SERPIND1: variants seen among roughly 807,000 people sequenced by gnomAD.
SERPIND1 encodes the protein serpin family D member 1, also known as heparin cofactor 2.
SERPIND1 carries 34 observed loss-of-function variants against 35.0 expected under a neutral mutation model. The observed-to-expected ratio is 0.97, with a 90% CI of 0.74 to 1.29. SERPIND1 has a LOEUF of 1.29. Among genes scored for constraint, SERPIND1 ranks in the 50% most tolerant of loss-of-function variants. The pLI is 0.00. For missense variants in SERPIND1, 633 were observed against 637.7 expected (o/e 0.99, Z 0.08); for synonymous variants, 236 against 241.1 (o/e 0.98, Z 0.19).
At chr22:20,783,435 TAA>T (rs362069) in intron 2 of SERPIND1, among the ~76,000 whole-genome samples, 53,363 of 135,948 alleles carry the variant, frequency 0.39, 10,074 homozygotes, top group Admixed American at 0.46. Flanking sequence ...CATCTACAAT[TAA>T]AAAAAAAAAA....
rs1243729537 is a variant in SERPIND1 at position 20,787,102 on chromosome 22, C to T, written c.*36C>T. 2.5e-6 allele frequency: 4 copies of T among 1,572,208 alleles called. No homozygotes were observed. Among genetic ancestry groups the T allele is most frequent in the Non-Finnish European group, 3.5e-6 (4 of 1,142,716 alleles). On this transcript the variant is annotated 3_prime_UTR_variant, in exon 5 of 5. Coordinates refer to ENST00000215727, the MANE Select transcript of SERPIND1 (RefSeq NM_000185.4). ...CTAGGTGTCTGAAGTGCCTTGGGGG[C>T]ACCCTCATTTTGTTTCCATTCCAAC... is the stretch of plus-strand genomic sequence containing the variant.
intron 4 of SERPIND1, among the ~76,000 whole-genome samples, chr22:20,786,639 C>T (rs192425737): frequency 3.9e-5 from 6 of 152,144 alleles, no homozygotes; most frequent in South Asian, 2.1e-4. Flanking sequence ...CCAGCCCCCA[C>T]GACCCTCAGA....
At chr22:20,783,292 T>C (rs571973021) in intron 2 of SERPIND1, among the ~76,000 whole-genome samples, 1 of 152,062 alleles carries the variant, frequency 6.6e-6, no homozygotes, top group South Asian at 2.1e-4. Context: ...GTGTGAGGGA[T>C]GAAGGCCATC....
Position 20,787,196 on chromosome 22 carries a change from T to C in SERPIND1, c.*130T>C. On this transcript the variant is annotated 3_prime_UTR_variant, in exon 5 of 5. Coordinates refer to ENST00000215727, the MANE Select transcript of SERPIND1 (RefSeq NM_000185.4). ...TACCAATCTGAATTCGAGGCCCATA[T>C]GAGAGGAGCTTAGAAACGACCAAGA... The C allele has an allele frequency of 4.8e-6, 4 of 832,456 alleles. No homozygotes were observed. The highest frequency in any genetic ancestry group is 2.6e-5 in the East Asian group (1 of 38,208). The allele number at this position is 832,456 out of a possible 1,614,324, so 51.6% of individuals were successfully genotyped here.
chr22:20,785,067 CTTTT>C (rs1555894632), intron 3 of SERPIND1, among the ~76,000 whole-genome samples: 4 of 134,434 alleles, frequency 3.0e-5, no homozygotes, highest in Admixed American at 7.6e-5. Context: ...GGGACTGCAT[CTTTT>C]TTTTTTTTTT....
chr22:20,776,786 C>T (rs974730604), intron 1 of SERPIND1, among the ~76,000 whole-genome samples: 2 of 152,168 alleles, frequency 1.3e-5, no homozygotes, highest in Admixed American at 6.5e-5. Flanking sequence ...CTAAGTTACA[C>T]GAAGTGCCTT....
chr22:20,780,201 G>C lies in SERPIND1; in HGVS notation c.889G>C (p.Gly297Arg). The C allele has an allele frequency of 6.2e-7, 1 of 1,614,140 alleles. No individual in the cohort carries two copies. Among genetic ancestry groups the C allele is most frequent in the East Asian group, 2.2e-5 (1 of 44,878 alleles). The change falls in exon 2 of 5, where the codon GGA (glycine) becomes CGA (arginine). Residue 297 changes from glycine to arginine, a missense_variant and splice_region_variant. By Grantham distance (125) the Gly-to-Arg change is moderately radical. Coordinates refer to ENST00000215727, the MANE Select transcript of SERPIND1 (RefSeq NM_000185.4). ...MMILNCIYFK[G>R]SWVNKFPVEM... is the part of the protein sequence containing the mutation. ...GATTCTCAACTGCATCTACTTCAAA[G>C]GTAAGAGGCACCTTTACAGTTCTCA...
intron 1 of SERPIND1, among the ~76,000 whole-genome samples, chr22:20,776,349 G>A (rs1196732892): frequency 1.3e-5 from 2 of 152,030 alleles, no homozygotes; most frequent in Admixed American, 1.3e-4. Context: ...AAAAGAAATC[G>A]TTTCTAGAAA....
At chr22:20,786,765 C>A (rs765480597) in intron 4 of SERPIND1, 110 bp from the exon 5 acceptor site, 5 of 1,112,090 alleles carry the variant, frequency 4.5e-6, no homozygotes, top group Non-Finnish European at 5.5e-6. Context: ...GTGATTTCCA[C>A]CTTACATGTT....
In SERPIND1 at chr22:20,780,013, T is replaced by C. The variant is rs761641227; in HGVS notation, c.701T>C (p.Leu234Pro). Reference protein sequence around the residue: ...LYIQKQFPILLDFKTKVREYY... With the variant: ...LYIQKQFPILPDFKTKVREYY... ...ATCCAGAAGCAGTTTCCAATCCTGC[T>C]TGACTTCAAAACTAAAGTAAGAGAG... The change falls in exon 2 of 5, where the codon CTT (leucine) becomes CCT (proline). Residue 234 changes from leucine to proline, a missense_variant. By Grantham distance (98) the Leu-to-Pro change is moderately conservative. Transcript: ENST00000215727. 1 of 1,614,216 alleles carries C rather than the reference T, an allele frequency of 6.2e-7. No homozygotes were observed. The highest frequency in any genetic ancestry group is 1.1e-5 in the South Asian group (1 of 91,088).
chr22:20,783,910 A>G, intron 2 of SERPIND1, 62 bp from the exon 3 acceptor site: 1 of 1,606,272 alleles, frequency 6.2e-7, no homozygotes, highest in Non-Finnish European at 8.5e-7. Flanking sequence ...TTCACTCTCA[A>G]GGGTGAGACG....
At chr22:20,783,391 G>T (rs1005104354) in intron 2 of SERPIND1, among the ~76,000 whole-genome samples, 1 of 151,254 alleles carries the variant, frequency 6.6e-6, no homozygotes, top group African/African-American at 2.4e-5. Context: ...GAGGCCAAGG[G>T]TTTGAGACCA....
intron 2 of SERPIND1, 61 bp downstream of exon 2, chr22:20,780,262 T>G: frequency 6.2e-7 from 1 of 1,606,868 alleles, no homozygotes. Flanking sequence ...TGTATGTGGG[T>G]AGATTGAATG....
At chr22:20,780,381 T>C (rs984244486) in intron 2 of SERPIND1, among the ~76,000 whole-genome samples, 180 bp downstream of exon 2, 5 of 152,212 alleles carry the variant, frequency 3.3e-5, no homozygotes, top group African/African-American at 1.2e-4. Context: ...ATCTGACACT[T>C]ACTGAGCCCT....
chr22:20,784,978 T>C (rs1380844154), intron 3 of SERPIND1, among the ~76,000 whole-genome samples: 1 of 151,888 alleles, frequency 6.6e-6, no homozygotes, highest in African/African-American at 2.4e-5. Context: ...CATCATGCTC[T>C]GTGAATTTTT....
At position 20,783,183 on chromosome 22, in the gene SERPIND1, TTATTCCTGGA is replaced by T. The variant is rs1366126323; in HGVS notation, c.890-786_890-777del. Among the ~76,000 whole-genome samples, 12 of 152,310 alleles carry T rather than the reference TTATTCCTGGA, an allele frequency of 7.9e-5. No homozygotes were observed. The East Asian group carries it at 2.1e-3, about 27-fold the overall frequency. ...TCTTAGAGCTAACATAGACATGGGC[TTATTCCTGGA>T]TACACAGCACTGTCCCCATATCTAC... On this transcript the variant is annotated intron_variant, in intron 2 of 4. Coordinates refer to ENST00000215727, the MANE Select transcript of SERPIND1 (RefSeq NM_000185.4).
chr22:20,786,287 G>A, intron 4 of SERPIND1, 139 bp downstream of exon 4: 1 of 957,562 alleles, frequency 1.0e-6, no homozygotes, highest in Admixed American at 1.9e-5. Flanking sequence ...GCCTGGGTGG[G>A]ATACACAGAA....
At chr22:20,785,070 T>C (rs1934113438) in intron 3 of SERPIND1, among the ~76,000 whole-genome samples, 1 of 149,026 alleles carries the variant, frequency 6.7e-6, no homozygotes, top group South Asian at 2.1e-4. Context: ...ACTGCATCTT[T>C]TTTTTTTTTT....
intron 1 of SERPIND1, among the ~76,000 whole-genome samples, 187 bp downstream of exon 1, chr22:20,774,332 T>C (rs894822384): frequency 6.6e-5 from 10 of 152,232 alleles, no homozygotes; most frequent in African/African-American, 2.2e-4. Flanking sequence ...TTGGGAGAGT[T>C]GACAAACTTA....
Sources: allele counts gnomAD v4.1 joint callset (sites outside exome capture counted in the v4.1 genomes callset), GRCh38; gene constraint gnomAD v4.1.1; transcripts MANE v1.5; gene names NCBI Gene and HGNC (gene_info 2026-07-23, HGNC 2026-07-21).